The following PTPRK variants were observed in gnomAD, a reference collection of about 807,000 sequenced individuals.
PTPRK encodes receptor-type tyrosine-protein phosphatase kappa.
PTPRK carries 75 observed loss-of-function variants against 178.0 expected under a neutral mutation model. That is an observed-to-expected ratio of 0.42 (90% CI 0.35 to 0.51). The LOEUF (loss-of-function observed/expected upper bound fraction) is 0.51, where lower values mean the gene tolerates loss of function less well. Ranked by LOEUF, PTPRK falls within the 20% of genes least tolerant of loss-of-function variation. The probability of loss-of-function intolerance (pLI) is 0.02; values close to 1 mark genes in which losing one functional copy is unlikely to be tolerated. For synonymous variants in PTPRK, 637 were observed against 620.6 expected (o/e 1.03, Z -0.39); for missense variants, 1,441 against 1,797.8 (o/e 0.80, Z 3.59).
intron 2 of PTPRK, among the ~76,000 whole-genome samples, chr6:128,396,691 A>T (rs906951170): frequency 6.6e-6 from 1 of 152,158 alleles, no homozygotes; most frequent in African/African-American, 2.4e-5. Flanking sequence ...CAAAGGATAT[A>T]ACAAAGTAAG....
At chr6:128,034,722 T>C (rs143897741) in intron 13 of PTPRK, among the ~76,000 whole-genome samples, 315 of 152,290 alleles carry the variant, frequency 2.1e-3, no homozygotes, top group African/African-American at 7.1e-3. Flanking sequence ...TGTTTTGTTG[T>C]TAATTTGAAA....
intron 1 of PTPRK, among the ~76,000 whole-genome samples, chr6:128,439,963 G>A (rs1846075486): frequency 6.6e-6 from 1 of 152,106 alleles, no homozygotes; most frequent in South Asian, 2.1e-4. Context: ...AATATTCAAA[G>A]TACCACTGAG....
chr6:128,347,110 A>G (rs1308890206), intron 2 of PTPRK, among the ~76,000 whole-genome samples: 1 of 152,144 alleles, frequency 6.6e-6, no homozygotes, highest in Non-Finnish European at 1.5e-5. Context: ...CAGTAAATAA[A>G]GCTCCTAATA....
intron 7 of PTPRK, among the ~76,000 whole-genome samples, chr6:128,145,519 T>G (rs1796357713): frequency 1.3e-5 from 2 of 152,244 alleles, no homozygotes; most frequent in Middle Eastern, 3.4e-3. Flanking sequence ...ATTTCAAAAC[T>G]GAATTATTGT....
intron 1 of PTPRK, among the ~76,000 whole-genome samples, chr6:128,495,861 C>T (rs1225640625): frequency 6.6e-6 from 1 of 152,190 alleles, no homozygotes; most frequent in Admixed American, 6.5e-5. Flanking sequence ...CTCTCAGTTG[C>T]TGCAATGCAC....
chr6:128,406,653 G>A lies in PTPRK; in HGVS notation c.101-8965C>T, dbSNP rs201606184. On this transcript the variant is annotated intron_variant, in intron 1 of 29. Coordinates refer to ENST00000368226, the MANE Select transcript of PTPRK (RefSeq NM_002844.4). ...GACTGACATCAGAACCCTGGATGTCGGGGACCTTTGCTCCCTTTCTCATAA... is the reference window on the plus strand; with the variant it reads ...GACTGACATCAGAACCCTGGATGTCAGGGACCTTTGCTCCCTTTCTCATAA... 5.8e-4 allele frequency among the ~76,000 whole-genome samples: 89 copies of A among 152,228 alleles called. 1 individual carries two copies. In the East Asian group the frequency reaches 8.7e-3, roughly 15 times the overall value.
At chr6:128,158,166 A>C (rs1467954875) in intron 7 of PTPRK, among the ~76,000 whole-genome samples, 3 of 151,940 alleles carry the variant, frequency 2.0e-5, no homozygotes, top group East Asian at 3.9e-4. Context: ...AAGGACAGAA[A>C]ACCAAACGCT....
intron 7 of PTPRK, among the ~76,000 whole-genome samples, chr6:128,150,871 T>C (rs1157543967): frequency 6.6e-6 from 1 of 152,154 alleles, no homozygotes; most frequent in Non-Finnish European, 1.5e-5. Context: ...TTGGGTTTCA[T>C]GTTTTTATAA....
At chr6:128,287,821 T>A (rs1024504546) in intron 3 of PTPRK, among the ~76,000 whole-genome samples, 1 of 152,210 alleles carries the variant, frequency 6.6e-6, no homozygotes, top group Non-Finnish European at 1.5e-5. Context: ...TTCTTCTGTA[T>A]CTTTAACATC....
At chr6:128,480,546 T>C (rs1342955133) in intron 1 of PTPRK, among the ~76,000 whole-genome samples, 1 of 152,182 alleles carries the variant, frequency 6.6e-6, no homozygotes, top group Non-Finnish European at 1.5e-5. Context: ...TCCTCACATA[T>C]GAATTAGTTA....
intron 3 of PTPRK, among the ~76,000 whole-genome samples, chr6:128,262,501 A>G (rs1483717801): frequency 6.6e-6 from 1 of 152,156 alleles, no homozygotes; most frequent in Non-Finnish European, 1.5e-5. Context: ...AACTTCCCAA[A>G]GAAAAGAACA....
intron 13 of PTPRK, among the ~76,000 whole-genome samples, chr6:128,053,857 G>A (rs931807261): frequency 6.6e-6 from 1 of 152,076 alleles, no homozygotes; most frequent in Admixed American, 6.6e-5. Context: ...CCACCCCAAT[G>A]GTTGTGAGAT....
chr6:128,442,633 A>G (rs915315131), intron 1 of PTPRK, among the ~76,000 whole-genome samples: 1 of 152,158 alleles, frequency 6.6e-6, no homozygotes, highest in Non-Finnish European at 1.5e-5. Context: ...TCTCCCACAC[A>G]GTGGTGAGCT....
chr6:128,445,608 C>T (rs919397240), intron 1 of PTPRK, among the ~76,000 whole-genome samples: 4 of 151,798 alleles, frequency 2.6e-5, no homozygotes, highest in African/African-American at 9.7e-5. Context: ...TTACAGTATA[C>T]ATTTTTCTTC....
chr6:128,243,791 G>T (rs556305584), intron 3 of PTPRK, among the ~76,000 whole-genome samples: 6 of 152,118 alleles, frequency 3.9e-5, no homozygotes, highest in Non-Finnish European at 7.3e-5. Flanking sequence ...CTTTATTCAT[G>T]GGGATACATA....
chr6:128,514,002 C>T (rs1470685182), intron 1 of PTPRK, among the ~76,000 whole-genome samples: 1 of 152,190 alleles, frequency 6.6e-6, no homozygotes, highest in Non-Finnish European at 1.5e-5. Flanking sequence ...GTCACCTCCA[C>T]TATCCAACAC....
intron 2 of PTPRK, among the ~76,000 whole-genome samples, chr6:128,376,017 T>C (rs1444922870): frequency 6.6e-6 from 1 of 152,130 alleles, no homozygotes; most frequent in Non-Finnish European, 1.5e-5. Flanking sequence ...CCTGTCTGCT[T>C]TCATGGGTTG....
intron 11 of PTPRK, among the ~76,000 whole-genome samples, chr6:128,073,518 C>T (rs1161410769): frequency 6.6e-6 from 1 of 151,990 alleles, no homozygotes; most frequent in Non-Finnish European, 1.5e-5. Context: ...CATGTATAAT[C>T]TCTTCCTGCA....
At chr6:128,153,853 A>AT in intron 7 of PTPRK, among the ~76,000 whole-genome samples, 2 of 152,070 alleles carry the variant, frequency 1.3e-5, no homozygotes, top group South Asian at 4.1e-4. Flanking sequence ...CCCCTGAAAT[A>AT]TTAAAATAGC....
Sources: allele counts gnomAD v4.1 joint callset (sites outside exome capture counted in the v4.1 genomes callset), GRCh38; gene constraint gnomAD v4.1.1; transcripts MANE v1.5; gene names NCBI Gene and HGNC (gene_info 2026-07-23, HGNC 2026-07-21).